Variants in DHRSX observed in about 807,000 individuals in gnomAD.
DHRSX encodes the protein dehydrogenase/reductase X-linked, also known as polyprenol dehydrogenase.
Under a neutral mutation model 34.0 loss-of-function variants are expected in DHRSX, and 31 were observed. The ratio of observed to expected loss-of-function variants is 0.91; its 90% CI spans 0.69 to 1.23. The LOEUF (loss-of-function observed/expected upper bound fraction) is 1.23, where lower values mean the gene tolerates loss of function less well. DHRSX is among the 50% of genes most tolerant of loss of function. The pLI is 0.00. For missense variants in DHRSX, 414 were observed against 428.1 expected (o/e 0.97, Z 0.29); for synonymous variants, 201 against 183.8 (o/e 1.09, Z -0.76).
intron 3 of DHRSX, among the ~76,000 whole-genome samples, chrX:2,347,371 G>C (rs2042732969): frequency 1.3e-5 from 2 of 152,124 alleles, no homozygotes; most frequent in African/African-American, 4.8e-5. Flanking sequence ...CCTCCCACTG[G>C]GTCCCTCCCA....
intron 5 of DHRSX, among the ~76,000 whole-genome samples, chrX:2,250,329 C>T (rs1177418848): frequency 1.3e-5 from 2 of 151,784 alleles, no homozygotes; most frequent in Non-Finnish European, 2.9e-5. Context: ...GAAAGAACTC[C>T]GAGTGGGTCC....
chrX:2,364,778 C>T (rs766275312), intron 3 of DHRSX, among the ~76,000 whole-genome samples: 1 of 152,190 alleles, frequency 6.6e-6, no homozygotes, highest in Non-Finnish European at 1.5e-5. Context: ...CATCTGTTTA[C>T]TCTCTATCTA....
At chrX:2,248,432 CA>C (rs574631590) in intron 5 of DHRSX, among the ~76,000 whole-genome samples, 61 of 111,076 alleles carry the variant, frequency 5.5e-4, no homozygotes, top group Non-Finnish European at 6.4e-4. Context: ...GACTCTGTCT[CA>C]AAAAAAAAAA....
chrX:2,401,703 T>C (rs1179626582), intron 3 of DHRSX, among the ~76,000 whole-genome samples: 1 of 152,160 alleles, frequency 6.6e-6, no homozygotes, highest in Non-Finnish European at 1.5e-5. Context: ...TGGGGTTTGA[T>C]TTATTTATAT....
chrX:2,235,900 T>A lies in DHRSX; in HGVS notation c.804+7123A>T, dbSNP rs777351886. ...AGACCGAGGCGGGCGGATCACGAGG[T>A]CAAGAGATCAAGACCATCCCGGCCA... is the stretch of plus-strand genomic sequence containing the variant. On this transcript the variant is annotated intron_variant, in intron 6 of 6. Coordinates refer to ENST00000334651, the MANE Select transcript of DHRSX (RefSeq NM_145177.3). Among the ~76,000 whole-genome samples, 6 of 148,334 alleles carry A rather than the reference T, an allele frequency of 4.0e-5. No individual in the cohort carries two copies. In the South Asian group the frequency reaches 1.3e-3, roughly 32 times the overall value.
intron 2 of DHRSX, 63 bp from the exon 3 acceptor site, chrX:2,408,876 C>A (rs868098409): frequency 3.5e-5 from 37 of 1,068,762 alleles, no homozygotes; most frequent in Admixed American, 1.4e-4. Flanking sequence ...CTATTAACTG[C>A]AAAAAAAAAA....
intron 3 of DHRSX, among the ~76,000 whole-genome samples, chrX:2,385,325 T>C (rs895052424): frequency 1.3e-5 from 2 of 152,234 alleles, no homozygotes; most frequent in Admixed American, 6.5e-5. Context: ...TGGCTAGTGA[T>C]GGTCATGGTT....
chrX:2,353,168 C>T (rs2042807986), intron 3 of DHRSX, among the ~76,000 whole-genome samples: 2 of 152,146 alleles, frequency 1.3e-5, no homozygotes, highest in Admixed American at 1.3e-4. Context: ...TTGCTTGAGC[C>T]CGGAGGCAGA....
intron 6 of DHRSX, among the ~76,000 whole-genome samples, chrX:2,227,498 G>A (rs758049674): frequency 3.5e-5 from 5 of 141,626 alleles, no homozygotes; most frequent in Non-Finnish European, 6.1e-5. Context: ...CAGAAAAGAG[G>A]GAAGGAAGGA....
At chrX:2,425,399 G>A in intron 1 of DHRSX, 95 bp from the exon 2 acceptor site, 1 of 1,060,836 alleles carries the variant, frequency 9.4e-7, no homozygotes. Context: ...GATGCCAAAG[G>A]GAGTTATGGT....
chrX:2,291,123 A>G (rs1311383270), intron 4 of DHRSX, among the ~76,000 whole-genome samples: 1 of 152,170 alleles, frequency 6.6e-6, no homozygotes, highest in African/African-American at 2.4e-5. Context: ...GGGTAAAATC[A>G]AGAGATAAAT....
chrX:2,321,228 T>C (rs2042307290), intron 3 of DHRSX, among the ~76,000 whole-genome samples: 2 of 152,130 alleles, frequency 1.3e-5, no homozygotes, highest in Admixed American at 1.3e-4. Flanking sequence ...GCGATGATGA[T>C]CCGATTTCGC....
intron 3 of DHRSX, among the ~76,000 whole-genome samples, chrX:2,366,211 G>A (rs2042992528): frequency 6.6e-6 from 1 of 152,216 alleles, no homozygotes; most frequent in African/African-American, 2.4e-5. Context: ...GGAGGCCGAG[G>A]CAGGTGGATC....
At chrX:2,500,642 A>AG (rs535012116) in intron 1 of DHRSX, 175 bp downstream of exon 1, 139,056 of 139,102 alleles carry the variant, frequency 1, 69,505 homozygotes, top group Middle Eastern at 1. Context: ...GGGAGGTCCC[A>AG]GCGCGCACGC....
chrX:2,243,167 G>A lies in DHRSX; in HGVS notation c.660C>T (p.Tyr220=). The stretch of plus-strand genomic sequence containing the variant: ...CAGCCGCCAGCAGCCGCTGGAGGTG[G>A]TAGGTGAACAGGACAAGGGCCAGCT... ...QSKLALVLFT[Y]HLQRLLAAEG... The change falls in exon 6 of 7, where the codon TAC becomes TAT. Residue 220 remains tyrosine, a synonymous_variant. Coordinates refer to ENST00000334651, the MANE Select transcript of DHRSX (RefSeq NM_145177.3). 5 of 1,613,964 alleles carry A rather than the reference G, an allele frequency of 3.1e-6. No individual in the cohort carries two copies. Among genetic ancestry groups the A allele is most frequent in the Non-Finnish European group, 4.2e-6 (5 of 1,179,878 alleles).
At chrX:2,430,302 G>A (rs1255037766) in intron 1 of DHRSX, among the ~76,000 whole-genome samples, 1 of 149,944 alleles carries the variant, frequency 6.7e-6, no homozygotes, top group Non-Finnish European at 1.5e-5. Context: ...ATGGACCCTT[G>A]CTGCATTTGT....
intron 1 of DHRSX, chrX:2,488,473 C>T: frequency 1.0e-6 from 1 of 987,508 alleles, no homozygotes; most frequent in Admixed American, 3.1e-5. Context: ...CCGCCCCCGA[C>T]CCTCTCTCAC....
chrX:2,458,576 G>A (rs2044345241), intron 1 of DHRSX, among the ~76,000 whole-genome samples: 1 of 152,146 alleles, frequency 6.6e-6, no homozygotes, highest in Non-Finnish European at 1.5e-5. Context: ...AATGAACCAG[G>A]CACAGAGAGA....
At chrX:2,434,979 G>A (rs1174467076) in intron 1 of DHRSX, among the ~76,000 whole-genome samples, 1 of 152,200 alleles carries the variant, frequency 6.6e-6, no homozygotes, top group Non-Finnish European at 1.5e-5. Flanking sequence ...CACTCTGTAT[G>A]ACTCCATTTA....
Sources: allele counts gnomAD v4.1 joint callset (sites outside exome capture counted in the v4.1 genomes callset), GRCh38; gene constraint gnomAD v4.1.1; transcripts MANE v1.5; gene names NCBI Gene and HGNC (gene_info 2026-07-23, HGNC 2026-07-21).